The following MGAT5 variants were observed in gnomAD, a reference collection of about 807,000 sequenced individuals.
The protein encoded by MGAT5 is alpha-1,6-mannosylglycoprotein 6-beta-N-acetylglucosaminyltransferase A.
Under a neutral mutation model 94.3 loss-of-function variants are expected in MGAT5, and 30 were observed. That is an observed-to-expected ratio of 0.32 (90% CI 0.24 to 0.43). The LOEUF (loss-of-function observed/expected upper bound fraction) is 0.43. Among genes scored for constraint, MGAT5 ranks in the 20% least tolerant of loss-of-function variants. The pLI, the probability that MGAT5 is intolerant of heterozygous loss-of-function variation, is 1.00. For missense variants in MGAT5, 691 were observed against 905.5 expected, an observed-to-expected ratio of 0.76 and a Z score of 3.04; for synonymous variants, 310 against 322.9, an observed-to-expected ratio of 0.96 and a Z score of 0.43.
chr2:134,221,622 T>C (rs1335591611), intron 1 of MGAT5, among the ~76,000 whole-genome samples: 1 of 152,206 alleles, frequency 6.6e-6, no homozygotes, highest in Admixed American at 6.5e-5. Context: ...ACAAGAGACT[T>C]TGCAGGACGA....
chr2:134,302,211 A>G (rs995146811), intron 2 of MGAT5, among the ~76,000 whole-genome samples: 3 of 152,230 alleles, frequency 2.0e-5, no homozygotes, highest in African/African-American at 7.2e-5. Flanking sequence ...GCAGTGGGCC[A>G]GATTTGGCTT....
intron 2 of MGAT5, among the ~76,000 whole-genome samples, chr2:134,291,182 A>G (rs988102035): frequency 1.3e-5 from 2 of 152,148 alleles, no homozygotes; most frequent in Admixed American, 6.6e-5. Context: ...CTCCAAATAC[A>G]TATGTTGAGA....
chr2:134,369,740 T>TGTGTGTGTGTGG (rs1346328351), intron 10 of MGAT5, among the ~76,000 whole-genome samples: 2 of 151,552 alleles, frequency 1.3e-5, no homozygotes, highest in Non-Finnish European at 2.9e-5. Context: ...TGTGTGTGTG[T>TGTGTGTGTGTGG]GTGTGTGTGT....
intron 2 of MGAT5, among the ~76,000 whole-genome samples, chr2:134,283,140 G>A (rs755835838): frequency 6.6e-5 from 10 of 152,282 alleles, no homozygotes; most frequent in Middle Eastern, 3.4e-3. Context: ...ACTTGTGTGC[G>A]CAGTACAGAC....
intron 3 of MGAT5, 26 bp from the exon 4 acceptor site, chr2:134,318,624 G>A (rs1377405293): frequency 2.5e-6 from 4 of 1,580,938 alleles, no homozygotes; most frequent in South Asian, 2.2e-5. Context: ...TGAATGGGCT[G>A]CTCAGAGATG....
chr2:134,280,152 G>C (rs555544258), intron 2 of MGAT5, among the ~76,000 whole-genome samples: 1 of 152,112 alleles, frequency 6.6e-6, no homozygotes, highest in South Asian at 2.1e-4. Flanking sequence ...TTCCTTTCTC[G>C]CTTACATCCC....
intron 4 of MGAT5, chr2:134,319,903 C>A: frequency 4.0e-6 from 1 of 252,804 alleles, no homozygotes; most frequent in South Asian, 4.0e-5. Context: ...TGTGAGAGCT[C>A]TTATCTTTTA....
chr2:134,364,643 A>G (rs1458953292), intron 10 of MGAT5, among the ~76,000 whole-genome samples: 4 of 152,198 alleles, frequency 2.6e-5, no homozygotes, highest in Non-Finnish European at 5.9e-5. Flanking sequence ...GCACCTAAAG[A>G]TTATAAAAGG....
intron 1 of MGAT5, among the ~76,000 whole-genome samples, chr2:134,158,010 ATCTGGCCGAG>A (rs1170872415): frequency 1.3e-5 from 2 of 152,190 alleles, no homozygotes. Flanking sequence ...TTGTTCTGAT[ATCTGGCCGAG>A]TCTGGCTGAG....
intron 2 of MGAT5, among the ~76,000 whole-genome samples, chr2:134,275,578 C>CTT (rs11409592): frequency 0.029 from 2,304 of 79,474 alleles, 146 homozygotes; most frequent in African/African-American, 0.094. Flanking sequence ...GTGCTATTTC[C>CTT]TTTTTTTTTT....
intron 10 of MGAT5, among the ~76,000 whole-genome samples, chr2:134,386,632 A>G (rs1681997332): frequency 6.6e-6 from 1 of 152,202 alleles, no homozygotes; most frequent in African/African-American, 2.4e-5. Context: ...AAAAGCAAGA[A>G]GTGAAGGATA....
intron 10 of MGAT5, among the ~76,000 whole-genome samples, chr2:134,362,630 A>G (rs1233667765): frequency 6.6e-6 from 1 of 151,988 alleles, no homozygotes; most frequent in African/African-American, 2.4e-5. Context: ...AGCCACCTTC[A>G]CTCTCTGCAT....
intron 15 of MGAT5, 141 bp downstream of exon 15, chr2:134,442,056 C>T: frequency 1.1e-6 from 1 of 913,886 alleles, no homozygotes; most frequent in Non-Finnish European, 1.7e-6. Flanking sequence ...TAGGTTGCAG[C>T]AGGATCCCCC....
chr2:134,191,572 T>C (rs1679171147), intron 1 of MGAT5, among the ~76,000 whole-genome samples: 1 of 150,362 alleles, frequency 6.7e-6, no homozygotes, highest in African/African-American at 2.5e-5. Flanking sequence ...GTTCGCGCCC[T>C]CCTCCTTCTG....
In MGAT5 at chr2:134,419,714, C is replaced by T. The variant is rs1359161866; in HGVS notation, c.1678-3089C>T. The stretch of plus-strand genomic sequence containing the variant: ...ATCACAAAATGCCTCACTCATAAAG[C>T]TAAGTAACCTTCAGTAAATGTAAAT... On this transcript the variant is annotated intron_variant, in intron 12 of 15. Transcript: ENST00000281923. 3.3e-5 allele frequency among the ~76,000 whole-genome samples: 5 copies of T among 152,094 alleles called. No homozygotes were observed. In the East Asian group the frequency reaches 9.6e-4, roughly 29 times the overall value.
At chr2:134,208,422 T>G (rs1368435496) in intron 1 of MGAT5, among the ~76,000 whole-genome samples, 1 of 152,206 alleles carries the variant, frequency 6.6e-6, no homozygotes, top group Non-Finnish European at 1.5e-5. Context: ...CCTGACTGTT[T>G]AGGAAGCTTG....
chr2:134,382,289 T>C (rs4954140), intron 10 of MGAT5, among the ~76,000 whole-genome samples: 148,109 of 152,184 alleles, frequency 0.97, 72,143 homozygotes, highest in East Asian at 1. Context: ...CAGGCCCAGC[T>C]CCAGATCAGT....
rs539616188 is a variant in MGAT5, at chr2:134,346,997, C to G, written c.1112+1933C>G. ...TAGGAGGTATTTGGCATGGCTGCTGCGATCGCTGTTACGGGAAGGCGAGCT... is the reference window on the plus strand; with the variant it reads ...TAGGAGGTATTTGGCATGGCTGCTGGGATCGCTGTTACGGGAAGGCGAGCT... On this transcript the variant is annotated intron_variant, in intron 8 of 15. Transcript: ENST00000281923. Among the ~76,000 whole-genome samples the G allele has an allele frequency of 2.6e-5, 4 of 152,238 alleles. No individual in the cohort carries two copies. In the East Asian group the frequency reaches 7.7e-4, roughly 29 times the overall value.
intron 5 of MGAT5, among the ~76,000 whole-genome samples, chr2:134,337,525 T>A (rs988127831): frequency 2.0e-5 from 3 of 152,128 alleles, no homozygotes; most frequent in Non-Finnish European, 4.4e-5. Flanking sequence ...TGAGCTATGG[T>A]GATTACTGAA....
Sources: allele counts gnomAD v4.1 joint callset (sites outside exome capture counted in the v4.1 genomes callset), GRCh38; gene constraint gnomAD v4.1.1; transcripts MANE v1.5; gene names NCBI Gene and HGNC (gene_info 2026-07-23, HGNC 2026-07-21).